CFAP299: variants seen among roughly 807,000 people sequenced by gnomAD.
CFAP299 encodes the protein cilia- and flagella-associated protein 299.
A neutral mutation model predicts 27.0 loss-of-function variants in CFAP299; 21 were observed. The observed-to-expected ratio is 0.78, with a 90% CI of 0.55 to 1.12. The LOEUF is 1.12. Ranked by LOEUF, CFAP299 falls within the 50% of genes most tolerant of loss-of-function variation. The pLI, the probability that CFAP299 is intolerant of heterozygous loss-of-function variation, is 0.00. For missense variants in CFAP299, 310 were observed against 276.6 expected, an observed-to-expected ratio of 1.12 and a Z score of -0.86; for synonymous variants, 104 against 98.1, an observed-to-expected ratio of 1.06 and a Z score of -0.36.
chr4:80,873,074 G>A, intron 4 of CFAP299: 1 of 874,616 alleles, frequency 1.1e-6, no homozygotes, highest in Non-Finnish European at 1.4e-6. Flanking sequence ...TGTCTTATAG[G>A]ATATTATAGT....
At chr4:80,537,148 G>A (rs1315859099) in intron 2 of CFAP299, among the ~76,000 whole-genome samples, 2 of 152,010 alleles carry the variant, frequency 1.3e-5, no homozygotes, top group African/African-American at 4.8e-5. Flanking sequence ...ATGTAGTATC[G>A]CTTCACAACT....
intron 3 of CFAP299, among the ~76,000 whole-genome samples, chr4:80,813,194 G>T (rs1043347475): frequency 6.6e-6 from 1 of 151,890 alleles, no homozygotes; most frequent in African/African-American, 2.4e-5. Context: ...TATACTTAAT[G>T]AAAACACACA....
At chr4:80,935,864 G>GA (rs1248302343) in intron 4 of CFAP299, among the ~76,000 whole-genome samples, 1 of 151,724 alleles carries the variant, frequency 6.6e-6, no homozygotes, top group East Asian at 1.9e-4. Flanking sequence ...AAATTTACAA[G>GA]AAAAAACAAA....
At chr4:80,721,331 A>G (rs751473308) in intron 3 of CFAP299, among the ~76,000 whole-genome samples, 2 of 152,202 alleles carry the variant, frequency 1.3e-5, no homozygotes, top group Non-Finnish European at 2.9e-5. Flanking sequence ...TGCATGGCTT[A>G]AACAAAAGAA....
intron 4 of CFAP299, among the ~76,000 whole-genome samples, chr4:80,937,629 A>G (rs58372260): frequency 0.034 from 5,177 of 152,060 alleles, 201 homozygotes; most frequent in African/African-American, 0.096. Flanking sequence ...TCAAACCTAA[A>G]GTGAATCTCT....
chr4:80,595,843 C>CA (rs1378498741), intron 3 of CFAP299, among the ~76,000 whole-genome samples: 1 of 152,114 alleles, frequency 6.6e-6, no homozygotes, highest in Non-Finnish European at 1.5e-5. Flanking sequence ...TGAAGTTCTC[C>CA]AAAATACTTG....
At chr4:80,453,193 T>C (rs1351139196) in intron 2 of CFAP299, among the ~76,000 whole-genome samples, 2 of 151,976 alleles carry the variant, frequency 1.3e-5, no homozygotes, top group Non-Finnish European at 2.9e-5. Flanking sequence ...CTCAATCCCT[T>C]TTTTTTATAT....
intron 3 of CFAP299, among the ~76,000 whole-genome samples, chr4:80,795,150 A>G (rs865887449): frequency 6.6e-6 from 1 of 152,182 alleles, no homozygotes. Flanking sequence ...GAGCACTCAC[A>G]TGGGATACAA....
chr4:80,339,456 T>G (rs2109966280), intron 1 of CFAP299, among the ~76,000 whole-genome samples: 1 of 152,318 alleles, frequency 6.6e-6, no homozygotes. Flanking sequence ...ACATAATGCT[T>G]GCTTAGGAAG....
At chr4:80,512,226 G>T (rs1578536809) in intron 2 of CFAP299, among the ~76,000 whole-genome samples, 1 of 151,450 alleles carries the variant, frequency 6.6e-6, no homozygotes, top group Admixed American at 6.6e-5. Flanking sequence ...TACATAGTGT[G>T]TGTGTGTGTG....
At chr4:80,888,411 G>T (rs1578214023) in intron 4 of CFAP299, among the ~76,000 whole-genome samples, 1 of 151,966 alleles carries the variant, frequency 6.6e-6, no homozygotes, top group Non-Finnish European at 1.5e-5. Flanking sequence ...ATGATAAAGG[G>T]ATCAATTTGG....
At chr4:80,557,777 C>T (rs1474066048) in intron 2 of CFAP299, among the ~76,000 whole-genome samples, 1 of 152,032 alleles carries the variant, frequency 6.6e-6, no homozygotes, top group Admixed American at 6.6e-5. Flanking sequence ...AAATACTATA[C>T]AACAACAAAA....
chr4:80,733,497 A>C (rs1382176897), intron 3 of CFAP299, among the ~76,000 whole-genome samples: 1 of 152,082 alleles, frequency 6.6e-6, no homozygotes, highest in African/African-American at 2.4e-5. Flanking sequence ...TAAAATGTGC[A>C]ATTAAATTAT....
At chr4:80,468,254 C>T (rs1298977650) in intron 2 of CFAP299, among the ~76,000 whole-genome samples, 5 of 148,896 alleles carry the variant, frequency 3.4e-5, no homozygotes, top group African/African-American at 1.2e-4. Context: ...GAATCTTGCT[C>T]TGTCGTCCAG....
chr4:80,477,399 CT>C (rs1195119644), intron 2 of CFAP299, among the ~76,000 whole-genome samples: 7 of 152,232 alleles, frequency 4.6e-5, no homozygotes, highest in Non-Finnish European at 8.8e-5. Flanking sequence ...GGCTTCTTTG[CT>C]TTCTGTCACT....
intron 3 of CFAP299, among the ~76,000 whole-genome samples, chr4:80,605,808 T>C (rs1406195631): frequency 6.6e-6 from 1 of 152,228 alleles, no homozygotes; most frequent in Non-Finnish European, 1.5e-5. Flanking sequence ...TTAGTCAGAT[T>C]TACCTAGTAT....
chr4:80,651,381 G>A (rs10034136), intron 3 of CFAP299, among the ~76,000 whole-genome samples: 5 of 129,200 alleles, frequency 3.9e-5, no homozygotes, highest in Admixed American at 7.4e-5. Flanking sequence ...TTTTTTTTTT[G>A]TTGAGACAGA....
Position 80,664,749 on chromosome 4 carries a change from G to A in CFAP299, c.333+81566G>A, listed in dbSNP as rs556439116. ...CCAGGGGAGTGAATGGTTCTGCCTG[G>A]CTGGTGTTCTAGGCACCACTGGGGT... On this transcript the variant is annotated intron_variant, in intron 3 of 5. Coordinates refer to ENST00000358105, the MANE Select transcript of CFAP299 (RefSeq NM_152770.3). Among the ~76,000 whole-genome samples, 6 of 152,152 alleles carry A rather than the reference G, an allele frequency of 3.9e-5. No individual in the cohort carries two copies. In the South Asian group the frequency reaches 1.0e-3, roughly 26 times the overall value.
At chr4:80,586,408 T>C (rs1488593150) in intron 3 of CFAP299, among the ~76,000 whole-genome samples, 5 of 152,170 alleles carry the variant, frequency 3.3e-5, no homozygotes, top group African/African-American at 4.8e-5. Flanking sequence ...GTTGAAACAG[T>C]TCTTTGAGAC....
Sources: allele counts gnomAD v4.1 joint callset (sites outside exome capture counted in the v4.1 genomes callset), GRCh38; gene constraint gnomAD v4.1.1; transcripts MANE v1.5; gene names NCBI Gene and HGNC (gene_info 2026-07-23, HGNC 2026-07-21).